The following ADGRL3 variants were observed in gnomAD, a reference collection of about 807,000 sequenced individuals.
ADGRL3 encodes the protein adhesion G protein-coupled receptor L3, also known as calcium-independent alpha-latrotoxin receptor 3.
In ADGRL3, 62 loss-of-function variants were observed where a neutral mutation model predicts 153.5. The observed-to-expected ratio is 0.40, with a 90% CI of 0.33 to 0.50. The LOEUF (loss-of-function observed/expected upper bound fraction) is 0.50. ADGRL3 is among the 20% of genes least tolerant of loss of function. ADGRL3 has a pLI of 0.47. For synonymous variants in ADGRL3, 710 were observed against 672.5 expected (o/e 1.06, Z -0.86); for missense variants, 1,641 against 1,859.4 (o/e 0.88, Z 2.16).
chr4:61,345,944 G>C (rs183047315), intron 1 of ADGRL3, among the ~76,000 whole-genome samples: 1 of 152,128 alleles, frequency 6.6e-6, no homozygotes, highest in Non-Finnish European at 1.5e-5. Flanking sequence ...GGTGACGTGG[G>C]TTAGGACCAG....
intron 1 of ADGRL3, among the ~76,000 whole-genome samples, chr4:61,320,348 T>C (rs2095329545): frequency 6.6e-6 from 1 of 152,204 alleles, no homozygotes; most frequent in African/African-American, 2.4e-5. Context: ...TCATTCCTAC[T>C]TGTGTTAGTC....
chr4:61,932,923 A>AT (rs922855179), intron 13 of ADGRL3, among the ~76,000 whole-genome samples: 2 of 151,888 alleles, frequency 1.3e-5, no homozygotes, highest in Non-Finnish European at 2.9e-5. Flanking sequence ...TTCTTAGAAC[A>AT]TTCTCGGAGT....
At chr4:61,381,453 C>G (rs1000208442) in intron 1 of ADGRL3, among the ~76,000 whole-genome samples, 7 of 151,684 alleles carry the variant, frequency 4.6e-5, no homozygotes, top group African/African-American at 1.5e-4. Flanking sequence ...TGTTCTCTAG[C>G]AATTCATATT....
At chr4:61,651,773 A>ATT (rs377167454) in intron 5 of ADGRL3, among the ~76,000 whole-genome samples, 63 of 126,748 alleles carry the variant, frequency 5.0e-4, no homozygotes, top group East Asian at 6.9e-4. Flanking sequence ...AGGCCCAGCT[A>ATT]TTTTTTTTTT....
chr4:61,330,954 A>G (rs951535435), intron 1 of ADGRL3, among the ~76,000 whole-genome samples: 5 of 152,154 alleles, frequency 3.3e-5, no homozygotes, highest in Admixed American at 3.3e-4. Context: ...ATGTGAGTCA[A>G]TTTCATAAAT....
chr4:61,761,700 TAGA>T (rs1045336071), intron 8 of ADGRL3, among the ~76,000 whole-genome samples: 60 of 152,252 alleles, frequency 3.9e-4, no homozygotes, highest in African/African-American at 1.4e-3. Context: ...AAGACTGAGA[TAGA>T]AGGATTGCTT....
intron 2 of ADGRL3, among the ~76,000 whole-genome samples, chr4:61,400,091 GGAGTGCT>G (rs2096911942): frequency 1.3e-5 from 2 of 151,642 alleles, no homozygotes; most frequent in Admixed American, 1.3e-4. Flanking sequence ...AGCTTCTACT[GGAGTGCT>G]GATTAAGAAA....
At chr4:61,456,384 T>C (rs180976807) in intron 2 of ADGRL3, among the ~76,000 whole-genome samples, 1 of 115,100 alleles carries the variant, frequency 8.7e-6, no homozygotes, top group South Asian at 2.8e-4. Flanking sequence ...TCTATATATA[T>C]ATATAGATAT....
At chr4:61,571,757 C>G (rs1195659778) in intron 4 of ADGRL3, among the ~76,000 whole-genome samples, 1 of 152,156 alleles carries the variant, frequency 6.6e-6, no homozygotes, top group African/African-American at 2.4e-5. Flanking sequence ...ATGTGCCTAG[C>G]ACTGTGCTTG....
At chr4:61,888,759 T>G (rs2098553453) in intron 9 of ADGRL3, among the ~76,000 whole-genome samples, 1 of 152,328 alleles carries the variant, frequency 6.6e-6, no homozygotes, top group African/African-American at 2.4e-5. Flanking sequence ...TCTATTAAAC[T>G]AAGTCCTTCC....
chr4:61,228,383 A>G (rs1285999321), intron 1 of ADGRL3, among the ~76,000 whole-genome samples: 1 of 152,202 alleles, frequency 6.6e-6, no homozygotes, highest in Admixed American at 6.5e-5. Context: ...GTAGCATGAT[A>G]CATTCCACAT....
At chr4:61,723,757 A>G (rs1003787304) in intron 6 of ADGRL3, among the ~76,000 whole-genome samples, 5 of 152,178 alleles carry the variant, frequency 3.3e-5, no homozygotes, top group Non-Finnish European at 7.3e-5. Context: ...CAGCATTTGC[A>G]TATCAATGCT....
chr4:62,034,126 T>A (rs1723675550), intron 23 of ADGRL3, among the ~76,000 whole-genome samples: 1 of 151,764 alleles, frequency 6.6e-6, no homozygotes, highest in Admixed American at 6.6e-5. Context: ...TTAAAATATA[T>A]ATGTCATCAA....
chr4:61,218,944 A>G (rs1744131011), intron 1 of ADGRL3, among the ~76,000 whole-genome samples: 1 of 152,156 alleles, frequency 6.6e-6, no homozygotes, highest in African/African-American at 2.4e-5. Flanking sequence ...AGGTAATAAG[A>G]TCAGATTTTC....
chr4:61,467,937 T>C (rs2097904669), intron 2 of ADGRL3, among the ~76,000 whole-genome samples: 1 of 152,160 alleles, frequency 6.6e-6, no homozygotes. Flanking sequence ...CTATATAAAC[T>C]GATGTTCTGA....
chr4:61,222,877 C>G (rs1445490458), intron 1 of ADGRL3, among the ~76,000 whole-genome samples: 1 of 152,030 alleles, frequency 6.6e-6, no homozygotes, highest in East Asian at 1.9e-4. Flanking sequence ...AATGAGAGGT[C>G]CGATATTATG....
chr4:62,017,660 T>C (rs565159529), intron 21 of ADGRL3, among the ~76,000 whole-genome samples: 24 of 152,116 alleles, frequency 1.6e-4, no homozygotes, highest in Admixed American at 5.2e-4. Flanking sequence ...CTGGTAAAGA[T>C]AGTTTCAGAG....
At chr4:61,245,561 T>C (rs1428799436) in intron 1 of ADGRL3, among the ~76,000 whole-genome samples, 3 of 152,050 alleles carry the variant, frequency 2.0e-5, no homozygotes, top group Non-Finnish European at 2.9e-5. Context: ...CCACATGCAA[T>C]TACTGGAGGC....
intron 25 of ADGRL3, chr4:62,063,378 G>A (rs1405753080): frequency 2.2e-5 from 10 of 460,476 alleles, no homozygotes; most frequent in Non-Finnish European, 3.9e-5. Flanking sequence ...AGTCTAGTTA[G>A]CTGCCTGCCT....
Sources: gnomAD v4.1 joint callset for allele counts (sites outside exome capture counted in the v4.1 genomes callset) on GRCh38, gnomAD v4.1.1 for gene constraint, MANE v1.5 for transcripts, NCBI Gene and HGNC (gene_info 2026-07-23, HGNC 2026-07-21) for gene names.